Variants in TMOD1 observed in about 807,000 individuals in gnomAD.
TMOD1 encodes the protein tropomodulin-1.
Under a neutral mutation model 40.6 loss-of-function variants are expected in TMOD1, and 17 were observed. That is an observed-to-expected ratio of 0.42 (90% confidence interval 0.29 to 0.63). The LOEUF (loss-of-function observed/expected upper bound fraction) is 0.63, where lower values mean the gene tolerates loss of function less well. Among genes scored for constraint, TMOD1 ranks in the 20% least tolerant of loss-of-function variants. TMOD1 has a pLI of 0.22. For synonymous variants in TMOD1, 181 were observed against 175.0 expected, an observed-to-expected ratio of 1.03 and a Z score of -0.27; for missense variants, 391 against 447.6, an observed-to-expected ratio of 0.87 and a Z score of 1.14.
intron 8 of TMOD1, among the ~76,000 whole-genome samples, chr9:97,584,935 T>G (rs1327426059): frequency 6.6e-6 from 1 of 152,252 alleles, no homozygotes; most frequent in Non-Finnish European, 1.5e-5. Flanking sequence ...TACAGCACAC[T>G]GATAGGTCTT....
intron 2 of TMOD1, among the ~76,000 whole-genome samples, chr9:97,525,844 T>C (rs1830006773): frequency 6.6e-6 from 1 of 152,166 alleles, no homozygotes; most frequent in African/African-American, 2.4e-5. Flanking sequence ...TTTAATGGAA[T>C]TGTTGTGTCT....
intron 8 of TMOD1, among the ~76,000 whole-genome samples, chr9:97,586,454 T>C (rs1482121841): frequency 6.6e-6 from 1 of 151,564 alleles, no homozygotes; most frequent in Non-Finnish European, 1.5e-5. Flanking sequence ...ACTGCTGTCT[T>C]TTTGTTTGTC....
rs530652880 is a variant in TMOD1, at chr9:97,555,766, G to A, written c.397+2366G>A. On this transcript the variant is annotated intron_variant, in intron 4 of 9. Transcript: ENST00000259365. ...TATTGACCAAAACAATCCTATGAAGGAAATTTTATTACTGTCCCCATTTTA... is the reference window on the plus strand; with the variant it reads ...TATTGACCAAAACAATCCTATGAAGAAAATTTTATTACTGTCCCCATTTTA... 6.1e-6 allele frequency: 8 copies of A among 1,318,722 alleles called. No homozygotes were observed. The East Asian group carries it at 7.5e-5, about 12-fold the overall frequency. The allele number at this position is 1,318,722 out of a possible 1,614,324, so 81.7% of individuals were successfully genotyped here.
intron 4 of TMOD1, among the ~76,000 whole-genome samples, chr9:97,559,821 A>C (rs1413916394): frequency 0.047 from 1,241 of 26,170 alleles, 59 homozygotes; most frequent in Middle Eastern, 0.14. Flanking sequence ...ATATATATAT[A>C]TATGTCTATC....
At chr9:97,508,761 C>A (rs1014486115) in intron 1 of TMOD1, among the ~76,000 whole-genome samples, 2 of 152,022 alleles carry the variant, frequency 1.3e-5, no homozygotes, top group Non-Finnish European at 2.9e-5. Context: ...AAAGTCATGC[C>A]CACCTAGCAC....
chr9:97,562,751 G>A lies in TMOD1; in HGVS notation c.417G>A (p.Thr139=), dbSNP rs371167809. The change falls in exon 5 of 10, where the codon ACG becomes ACA. Residue 139 remains threonine (T), a synonymous_variant. Transcript: ENST00000259365. ...CTGCAGCGATCCTGGGCATGCACAC[G>A]CTCATGAGTAACCAGCAGTACTACC... The part of the protein sequence containing the change: ...CDIAAILGMH[T]LMSNQQYYQA... 3.5e-5 allele frequency: 55 copies of A among 1,569,062 alleles called. No homozygotes were observed. Among genetic ancestry groups the A allele is most frequent in the African/African-American group, 1.3e-4 (9 of 71,866 alleles).
intron 1 of TMOD1, among the ~76,000 whole-genome samples, chr9:97,509,329 C>T (rs1188986907): frequency 6.6e-6 from 1 of 152,118 alleles, no homozygotes; most frequent in African/African-American, 2.4e-5. Flanking sequence ...GCCTGGTATG[C>T]AGTAAGAACA....
chr9:97,502,096 G>A lies in TMOD1; in HGVS notation c.-49+293G>A, dbSNP rs1470426857. On this transcript the variant is annotated intron_variant, in intron 1 of 9. Transcript: ENST00000259365. This position sits in a 1 kb window ranked among gnomAD's most constrained non-coding sequence, Gnocchi z 6.1. The stretch of plus-strand genomic sequence containing the variant: ...GCACCGCGTCTGTGAACGCGAGAAG[G>A]ACCCGGGGTTCTGGAGGAGACGGCG... Among the ~76,000 whole-genome samples, 5 of 152,030 alleles carry A rather than the reference G, an allele frequency of 3.3e-5. No homozygotes were observed. The highest frequency in any genetic ancestry group is 2.1e-4 in the South Asian group (1 of 4,832).
chr9:97,562,533 A>G (rs940262830), intron 4 of TMOD1, among the ~76,000 whole-genome samples, 199 bp from the exon 5 acceptor site: 6 of 152,242 alleles, frequency 3.9e-5, no homozygotes, highest in Non-Finnish European at 2.9e-5. Context: ...CCAGGGGCAG[A>G]GCAGCCTGGG....
chr9:97,574,773 G>A (rs1041177243), intron 8 of TMOD1, among the ~76,000 whole-genome samples: 2 of 152,192 alleles, frequency 1.3e-5, no homozygotes, highest in African/African-American at 4.8e-5. Context: ...GTTTGCAAAT[G>A]CACCAATTGA....
Position 97,600,219 on chromosome 9 carries a change from G to C in TMOD1, c.*521G>C. 2.0e-6 allele frequency: 2 copies of C among 993,996 alleles called. No individual in the cohort carries two copies. Among genetic ancestry groups the C allele is most frequent in the Non-Finnish European group, 2.4e-6 (2 of 834,208 alleles). The allele number at this position is 993,996 out of a possible 1,614,324, so 61.6% of individuals were successfully genotyped here. ...GTTGCCAAATTGATTACTGGATCCA[G>C]AACACAATTTTCCCCTCAGAACAGA... On this transcript the variant is annotated 3_prime_UTR_variant, in exon 10 of 10. Transcript: ENST00000259365.
chr9:97,578,748 A>G (rs767645499), intron 8 of TMOD1, among the ~76,000 whole-genome samples: 1 of 152,162 alleles, frequency 6.6e-6, no homozygotes, highest in South Asian at 2.1e-4. Context: ...AATGGGGGCA[A>G]TGCATGTTAA....
At chr9:97,531,033 A>ACAC (rs1554754335) in intron 2 of TMOD1, among the ~76,000 whole-genome samples, 1 of 78,260 alleles carries the variant, frequency 1.3e-5, no homozygotes, top group African/African-American at 5.4e-5. Context: ...GGTGATCCAC[A>ACAC]CCCACCCCCC....
chr9:97,532,413 G>A (rs557693705), intron 2 of TMOD1, among the ~76,000 whole-genome samples: 86 of 152,050 alleles, frequency 5.7e-4, no homozygotes, highest in Admixed American at 1.4e-3. Flanking sequence ...CCCCTCCCTC[G>A]GGAAGCCTTT....
intron 6 of TMOD1, 103 bp from the exon 7 acceptor site, chr9:97,565,745 A>G: frequency 1.1e-6 from 1 of 923,950 alleles, no homozygotes; most frequent in African/African-American, 1.6e-5. Flanking sequence ...CTTTTTGGCC[A>G]GAGACTTGCC....
rs1826263439 is a variant in TMOD1, at chr9:97,601,661, G to A, written c.*1963G>A. 1.3e-6 allele frequency: 1 copy of A among 794,910 alleles called. No individual in the cohort carries two copies. Among genetic ancestry groups the A allele is most frequent in the Non-Finnish European group, 1.5e-6 (1 of 655,446 alleles). 49.2% of individuals were successfully genotyped at this position (794,910 alleles called of 1,614,324 possible). A position where few individuals can be genotyped will look rare whatever the true frequency, so the allele number is the denominator to read the frequency against. ...CGATTTTGCAGGCCACATAGTGTCT[G>A]TTGCAACTATTCAACTCTGCCATAG... On this transcript the variant is annotated 3_prime_UTR_variant, in exon 10 of 10. Coordinates refer to ENST00000259365, the MANE Select transcript of TMOD1 (RefSeq NM_003275.4).
In TMOD1 at chr9:97,524,859, C is replaced by G. The variant is rs564634379; in HGVS notation, c.120+551C>G. Among the ~76,000 whole-genome samples the G allele has an allele frequency of 3.6e-3, 376 of 105,644 alleles. 2 individuals carry two copies. The highest frequency in any genetic ancestry group is 0.013 in the African/African-American group (368 of 29,432). 69.3% of individuals were successfully genotyped at this position (105,644 alleles called of 152,430 possible). ...TCTTCAACTGATTGGATGCCCACCC[C>G]CCACCGCCATATCAGGGGGAATAAT... On this transcript the variant is annotated intron_variant, in intron 2 of 9. Coordinates refer to ENST00000259365, the MANE Select transcript of TMOD1 (RefSeq NM_003275.4).
intron 8 of TMOD1, among the ~76,000 whole-genome samples, chr9:97,589,065 C>G (rs1447397314): frequency 7.6e-6 from 1 of 131,546 alleles, no homozygotes; most frequent in African/African-American, 2.9e-5. Context: ...TGTGGTGAGC[C>G]AAGATTGCAC....
At chr9:97,567,877 C>T (rs986950799) in intron 7 of TMOD1, among the ~76,000 whole-genome samples, 1 of 152,238 alleles carries the variant, frequency 6.6e-6, no homozygotes, top group East Asian at 1.9e-4. Flanking sequence ...ATTCCTGGCT[C>T]GGAGCATCAT....
Sources: allele counts gnomAD v4.1 joint callset (sites outside exome capture counted in the v4.1 genomes callset), GRCh38; gene constraint gnomAD v4.1.1; non-coding constraint Gnocchi (gnomAD v3.1); transcripts MANE v1.5; gene names NCBI Gene and HGNC (gene_info 2026-07-23, HGNC 2026-07-21).